Variants in CDK14 observed in about 807,000 individuals in gnomAD.
CDK14 encodes cyclin dependent kinase 14, also known as cyclin-dependent kinase 14.
In CDK14, 34 loss-of-function variants were observed where a neutral mutation model predicts 60.7. The ratio of observed to expected loss-of-function variants is 0.56; its 90% confidence interval spans 0.43 to 0.75. The LOEUF (loss-of-function observed/expected upper bound fraction) is 0.75, where lower values mean the gene tolerates loss of function less well. CDK14 is among the 30% of genes least tolerant of loss of function. The pLI, the probability that CDK14 is intolerant of heterozygous loss-of-function variation, is 0.00. For synonymous variants in CDK14, 197 were observed against 203.7 expected, an observed-to-expected ratio of 0.97 and a Z score of 0.28; for missense variants, 482 against 564.1, an observed-to-expected ratio of 0.85 and a Z score of 1.47.
At chr7:90,626,968 A>T (rs188671907) in intron 2 of CDK14, among the ~76,000 whole-genome samples, 6 of 144,978 alleles carry the variant, frequency 4.1e-5, no homozygotes, top group African/African-American at 1.7e-4. Flanking sequence ...AAACAGCAAA[A>T]AACAAAAACA....
Position 90,827,483 on chromosome 7 carries a change from A to G in CDK14, c.545-35692A>G, listed in dbSNP as rs187681508. ...AATACTTAATTTCCATTTACCTAGC[A>G]TTGAGATCAAATAGACACTGAGTAT... On this transcript the variant is annotated intron_variant, in intron 5 of 14. Transcript: ENST00000380050. Among the ~76,000 whole-genome samples, 158 of 152,346 alleles carry G rather than the reference A, an allele frequency of 1.0e-3. 2 individuals are homozygous for G. Among genetic ancestry groups the G allele is most frequent in the Admixed American group, 9.6e-3 (147 of 15,306 alleles).
intron 12 of CDK14, among the ~76,000 whole-genome samples, chr7:91,099,174 C>T (rs535888368): frequency 2.0e-4 from 31 of 152,248 alleles, no homozygotes; most frequent in African/African-American, 7.5e-4. Flanking sequence ...GCCACCATTT[C>T]TGTTAACTCC....
At chr7:91,198,650 T>C (rs1802625782) in intron 14 of CDK14, among the ~76,000 whole-genome samples, 1 of 152,222 alleles carries the variant, frequency 6.6e-6, no homozygotes, top group African/African-American at 2.4e-5. Flanking sequence ...GCTGACATCA[T>C]TCTGTATTAA....
chr7:91,127,313 C>A (rs1799980436), intron 14 of CDK14, among the ~76,000 whole-genome samples: 1 of 152,058 alleles, frequency 6.6e-6, no homozygotes, highest in South Asian at 2.1e-4. Flanking sequence ...ATGATCAGGT[C>A]ATGTTACATT....
At chr7:90,685,356 A>G (rs1483831046) in intron 2 of CDK14, among the ~76,000 whole-genome samples, 1 of 152,060 alleles carries the variant, frequency 6.6e-6, no homozygotes, top group Non-Finnish European at 1.5e-5. Context: ...TCTTTTATTT[A>G]CTGAAGCATG....
At chr7:90,762,394 C>T (rs910017200) in intron 4 of CDK14, among the ~76,000 whole-genome samples, 2 of 152,112 alleles carry the variant, frequency 1.3e-5, no homozygotes, top group Non-Finnish European at 2.9e-5. Flanking sequence ...AATTTTTGCT[C>T]TCTCTGGGAT....
At chr7:91,120,971 G>C (rs1158281541) in intron 14 of CDK14, among the ~76,000 whole-genome samples, 2 of 152,158 alleles carry the variant, frequency 1.3e-5, no homozygotes, top group African/African-American at 4.8e-5. Flanking sequence ...AGAGTTTTCT[G>C]TCAGTCAGCA....
chr7:91,013,592 C>G (rs1162592952), intron 10 of CDK14, among the ~76,000 whole-genome samples: 1 of 151,604 alleles, frequency 6.6e-6, no homozygotes, highest in Non-Finnish European at 1.5e-5. Flanking sequence ...ACGTTCCTGT[C>G]CTGGCAATTA....
In CDK14 at chr7:90,709,629, G is replaced by GAA. The variant is rs34926826; in HGVS notation, c.124-16930_124-16929dup. On this transcript the variant is annotated intron_variant, in intron 2 of 14. Coordinates refer to ENST00000380050, the MANE Select transcript of CDK14 (RefSeq NM_001287135.2). ...TCCACAGGCAAGTCCATCGTGTTTGGAAAAAAAAATTAGATTTTTTGGAGA... is the reference window on the plus strand; with the variant it reads ...TCCACAGGCAAGTCCATCGTGTTTGGAAAAAAAAAAATTAGATTTTTTGGAGA... 387 of 1,590,106 alleles carry GAA rather than the reference G, an allele frequency of 2.4e-4. 1 individual carries two copies. The African/African-American group carries it at 3.0e-3, about 12-fold the overall frequency.
At chr7:91,003,678 C>G (rs998107318) in intron 10 of CDK14, among the ~76,000 whole-genome samples, 6 of 152,086 alleles carry the variant, frequency 3.9e-5, no homozygotes, top group African/African-American at 1.2e-4. Context: ...AAGGTGTGAC[C>G]TAGAAGTTGC....
chr7:90,924,180 C>G (rs1298617972), intron 8 of CDK14, among the ~76,000 whole-genome samples: 1 of 152,258 alleles, frequency 6.6e-6, no homozygotes, highest in Non-Finnish European at 1.5e-5. Context: ...AGTGGGGACT[C>G]TCTGCAGAGT....
At chr7:91,168,983 C>A (rs1801431984) in intron 14 of CDK14, among the ~76,000 whole-genome samples, 1 of 152,182 alleles carries the variant, frequency 6.6e-6, no homozygotes, top group Non-Finnish European at 1.5e-5. Flanking sequence ...ACAGTTATTT[C>A]CAAGCACTGA....
chr7:90,837,285 TTTTTTC>T (rs1414826031), intron 5 of CDK14, among the ~76,000 whole-genome samples: 2 of 151,040 alleles, frequency 1.3e-5, no homozygotes, highest in Non-Finnish European at 1.5e-5. Flanking sequence ...TCTTTCTTTC[TTTTTTC>T]TTTTTTTTTT....
intron 10 of CDK14, among the ~76,000 whole-genome samples, chr7:91,031,845 CCAAA>C (rs796135955): frequency 4.6e-5 from 7 of 152,252 alleles, no homozygotes; most frequent in African/African-American, 1.4e-4. Context: ...GACTTTGAAA[CCAAA>C]CAAAGTATGT....
Position 90,726,644 on chromosome 7 carries a change from G to A in CDK14, c.201G>A (p.Glu67=). The part of the protein sequence containing the change: ...SVIKPLDTIP[E]DKKVRVQRTQ... The stretch of plus-strand genomic sequence containing the variant: ...TCAAACCCCTGGACACAATTCCTGA[G>A]GATAAAAAAGTCAGAGTTCAGAGGA... The change falls in exon 3 of 15, where the codon GAG becomes GAA. Residue 67 remains glutamate (E), a synonymous_variant. Transcript: ENST00000380050. The A allele has an allele frequency of 6.2e-7, 1 of 1,613,816 alleles. No individual in the cohort carries two copies.
chr7:90,960,581 A>G (rs1376002305), intron 9 of CDK14, among the ~76,000 whole-genome samples: 1 of 152,176 alleles, frequency 6.6e-6, no homozygotes, highest in Non-Finnish European at 1.5e-5. Context: ...AAAAATGTCC[A>G]CATCAAAATT....
chr7:90,651,132 T>C (rs1343541114), intron 2 of CDK14, among the ~76,000 whole-genome samples: 1 of 152,214 alleles, frequency 6.6e-6, no homozygotes, highest in Non-Finnish European at 1.5e-5. Flanking sequence ...TTTTGTTTCA[T>C]TGAGCAGTGG....
At chr7:91,192,627 G>A (rs767010555) in intron 14 of CDK14, among the ~76,000 whole-genome samples, 2 of 152,152 alleles carry the variant, frequency 1.3e-5, no homozygotes, top group Non-Finnish European at 1.5e-5. Flanking sequence ...TGGCAAAGCC[G>A]TGAGAAGCTC....
At chr7:91,167,054 T>G (rs1047228644) in intron 14 of CDK14, among the ~76,000 whole-genome samples, 9 of 152,244 alleles carry the variant, frequency 5.9e-5, no homozygotes, top group Non-Finnish European at 8.8e-5. Context: ...GTTTTAGTTT[T>G]TATTTTAAAT....
Sources: allele counts gnomAD v4.1 joint callset (sites outside exome capture counted in the v4.1 genomes callset), GRCh38; gene constraint gnomAD v4.1.1; transcripts MANE v1.5; gene names NCBI Gene and HGNC (gene_info 2026-07-23, HGNC 2026-07-21).